SH3D19: variants seen among roughly 807,000 people sequenced by gnomAD.
SH3D19 encodes the protein SH3 domain-containing protein 19.
In SH3D19, 58 loss-of-function variants were observed where a neutral mutation model predicts 112.1. That is an observed-to-expected ratio of 0.52 (90% CI 0.42 to 0.64). SH3D19 has a LOEUF of 0.64. Among genes scored for constraint, SH3D19 ranks in the 30% least tolerant of loss-of-function variants. The pLI, the probability that SH3D19 is intolerant of heterozygous loss-of-function variation, is 0.00. For missense variants in SH3D19, 1,090 were observed against 1,263.4 expected (o/e 0.86, Z 2.08); for synonymous variants, 391 against 448.5 (o/e 0.87, Z 1.62).
chr4:151,175,953 C>A (rs1447372477), intron 6 of SH3D19, among the ~76,000 whole-genome samples: 1 of 152,032 alleles, frequency 6.6e-6, no homozygotes, highest in Non-Finnish European at 1.5e-5. Flanking sequence ...TCACTGCAGC[C>A]TCACCCTCCA....
intron 1 of SH3D19, among the ~76,000 whole-genome samples, chr4:151,312,072 G>C (rs1388068030): frequency 2.6e-5 from 4 of 152,036 alleles, no homozygotes; most frequent in Non-Finnish European, 5.9e-5. Context: ...GCTATGTGAG[G>C]TGATGGATCC....
At position 151,143,938 on chromosome 4, in the gene SH3D19, A is replaced by G; in HGVS notation, c.2195T>C (p.Leu732Pro). ...HLSQMKIITPLDEHLRSRPND... is the reference protein window; with the variant it reads ...HLSQMKIITPPDEHLRSRPND... Reference sequence around the variant, plus strand: ...TGGTCTGCTTCTAAGATGTTCATCAAGTGGAGTGATAATCTTCATTTGAGA... The same window carrying G: ...TGGTCTGCTTCTAAGATGTTCATCAGGTGGAGTGATAATCTTCATTTGAGA... The change falls in exon 12 of 20, where the codon CTT becomes CCT. Residue 732 changes from leucine to proline, a missense_variant. Coordinates refer to ENST00000604030, the MANE Select transcript of SH3D19 (RefSeq NM_001378122.1). The G allele has an allele frequency of 6.2e-7, 1 of 1,613,986 alleles. No individual in the cohort carries two copies. The highest frequency in any genetic ancestry group is 2.2e-5 in the East Asian group (1 of 44,882).
chr4:151,310,931 C>A (rs967623379), intron 1 of SH3D19, among the ~76,000 whole-genome samples: 46 of 150,998 alleles, frequency 3.0e-4, no homozygotes, highest in African/African-American at 1.1e-3. Flanking sequence ...GCATTATTCA[C>A]AATAGCCAAG....
At chr4:151,264,659 T>C (rs1772635847) in intron 1 of SH3D19, among the ~76,000 whole-genome samples, 1 of 152,098 alleles carries the variant, frequency 6.6e-6, no homozygotes, top group Non-Finnish European at 1.5e-5. Context: ...ATTTTATAGT[T>C]GTGTTCTCAG....
chr4:151,182,177 C>T (rs960210827), intron 3 of SH3D19, among the ~76,000 whole-genome samples: 1 of 151,892 alleles, frequency 6.6e-6, no homozygotes, highest in Non-Finnish European at 1.5e-5. Flanking sequence ...TTTGTAGAAA[C>T]GGGGTTTTGC....
intron 1 of SH3D19, among the ~76,000 whole-genome samples, chr4:151,308,338 G>C (rs531407658): frequency 5.9e-5 from 9 of 152,338 alleles, no homozygotes; most frequent in African/African-American, 2.2e-4. Context: ...TCACATTGCT[G>C]AAAGTCAGAG....
chr4:151,127,587 A>T, intron 19 of SH3D19, 31 bp downstream of exon 19: 1 of 1,299,532 alleles, frequency 7.7e-7, no homozygotes, highest in Non-Finnish European at 1.1e-6. Flanking sequence ...TATAGTGCTT[A>T]ATGCAGTTAT....
Position 151,168,163 on chromosome 4 carries a change from C to T in SH3D19, c.1535-2467G>A, listed in dbSNP as rs187635062. Among the ~76,000 whole-genome samples the T allele has an allele frequency of 3.5e-3, 525 of 151,354 alleles. 5 individuals carry two copies. Among genetic ancestry groups the T allele is most frequent in the African/African-American group, 0.012 (491 of 41,250 alleles). The stretch of plus-strand genomic sequence containing the variant: ...ATACATGTAACAGATAAGCAATTCA[C>T]GAGGTTTATTAGAAGGTGAGAAGTA... On this transcript the variant is annotated intron_variant, in intron 7 of 19. Transcript: ENST00000604030.
chr4:151,218,374 C>T (rs1767468156), intron 2 of SH3D19, among the ~76,000 whole-genome samples: 1 of 151,962 alleles, frequency 6.6e-6, no homozygotes, highest in South Asian at 2.1e-4. Flanking sequence ...AAAAAGGTCT[C>T]CTGATGCCAT....
Position 151,132,359 on chromosome 4 carries a change from T to C in SH3D19, c.2714A>G (p.Lys905Arg), listed in dbSNP as rs764493777. The change falls in exon 17 of 20, where the codon AAA becomes AGA. Residue 905 changes from lysine to arginine, a missense_variant. Lys to Arg is a conservative substitution (Grantham distance 26). Transcript: ENST00000604030. ...AGAGTTTGAGCCAGAATCTTCTTTT[T>C]TGGTTTTCAGTGGTACCTTTGTGCC... ...VLSTKVPLKT[K>R]KEDSGSNSQV... The C allele has an allele frequency of 1.9e-6, 3 of 1,613,900 alleles. No homozygotes were observed. Among genetic ancestry groups the C allele is most frequent in the African/African-American group, 2.7e-5 (2 of 74,922 alleles).
intron 19 of SH3D19, among the ~76,000 whole-genome samples, chr4:151,124,400 C>A (rs1748703670): frequency 6.6e-6 from 1 of 151,846 alleles, no homozygotes; most frequent in Non-Finnish European, 1.5e-5. Context: ...AGCCACTGCA[C>A]CCAGCCAGGC....
Position 151,176,665 on chromosome 4 carries a change from A to G in SH3D19, c.398T>C (p.Val133Ala), listed in dbSNP as rs1759998740. Residue 133 changes from valine to alanine, a missense_variant, in exon 6 of 20, where the codon GTT becomes GCT. Val to Ala is a moderately conservative substitution (Grantham distance 64). Coordinates refer to ENST00000604030, the MANE Select transcript of SH3D19 (RefSeq NM_001378122.1). Reference sequence around the variant, plus strand: ...TTGAACTTGGTTGATTTCTTTTATAACTTGTTCATAAGATGGTGGGAGCTG... The same window carrying G: ...TTGAACTTGGTTGATTTCTTTTATAGCTTGTTCATAAGATGGTGGGAGCTG... ...PAELPPSYEQ[V>A]IKEINQVQVN... 1.6e-6 allele frequency: 2 copies of G among 1,232,076 alleles called. No homozygotes were observed. Among genetic ancestry groups the G allele is most frequent in the African/African-American group, 3.1e-5 (2 of 64,554 alleles). 76.3% of individuals were successfully genotyped at this position (1,232,076 alleles called of 1,614,324 possible).
chr4:151,296,045 AAAGAAAG>A lies in SH3D19; in HGVS notation c.112+29189_112+29195del, dbSNP rs971828704. On this transcript the variant is annotated intron_variant, in intron 1 of 19. Coordinates refer to ENST00000604030, the MANE Select transcript of SH3D19 (RefSeq NM_001378122.1). ...GCAAGGCTCCGTCTCAAAAAAAAAA[AAAGAAAG>A]AAAGAAAGAAAGAAAGAAAATCGTT... 1.0e-4 allele frequency among the ~76,000 whole-genome samples: 15 copies of A among 143,220 alleles called. No homozygotes were observed. In the East Asian group the frequency reaches 2.0e-3, roughly 19 times the overall value. The allele number at this position is 143,220 out of a possible 152,430, so 94.0% of individuals were successfully genotyped here.
intron 1 of SH3D19, chr4:151,282,102 G>C: frequency 6.2e-7 from 1 of 1,602,988 alleles, no homozygotes; most frequent in African/African-American, 1.3e-5. Context: ...AGCCTGTTCT[G>C]ACCCAGCTGC....
intron 1 of SH3D19, among the ~76,000 whole-genome samples, chr4:151,232,176 T>G (rs1328094804): frequency 6.6e-6 from 1 of 152,160 alleles, no homozygotes; most frequent in Non-Finnish European, 1.5e-5. Context: ...GGAGGAAGAC[T>G]CTGTCTCAAA....
chr4:151,229,902 G>A (rs1769469084), intron 1 of SH3D19, among the ~76,000 whole-genome samples: 4 of 152,158 alleles, frequency 2.6e-5, no homozygotes, highest in Non-Finnish European at 4.4e-5. Context: ...GTGACGGAGT[G>A]AAACTCTGTC....
At chr4:151,264,402 T>C (rs923069535) in intron 1 of SH3D19, among the ~76,000 whole-genome samples, 16 of 117,546 alleles carry the variant, frequency 1.4e-4, no homozygotes, top group African/African-American at 5.3e-4. Flanking sequence ...CTCTCCAGCC[T>C]GGGCAACAGA....
In SH3D19 at chr4:151,148,775, C is replaced by T. The variant is rs11099785; in HGVS notation, c.1818-589G>A. On this transcript the variant is annotated intron_variant, in intron 10 of 19. Coordinates refer to ENST00000604030, the MANE Select transcript of SH3D19 (RefSeq NM_001378122.1). ...TAATTTTCGGCTGGGAGTGGTGGCT[C>T]ATGCCTGTAATCCCAGCACTTTGGG... is the stretch of plus-strand genomic sequence containing the variant. Among the ~76,000 whole-genome samples, 1,318 of 152,308 alleles carry T rather than the reference C, an allele frequency of 8.7e-3. 16 individuals are homozygous for T. Among genetic ancestry groups the T allele is most frequent in the African/African-American group, 0.03 (1,246 of 41,564 alleles).
chr4:151,213,052 A>G (rs1021794518), intron 2 of SH3D19, among the ~76,000 whole-genome samples: 36 of 152,344 alleles, frequency 2.4e-4, no homozygotes, highest in African/African-American at 8.4e-4. Context: ...GACCCTAAAG[A>G]TGTGACCACA....
Sources: gnomAD v4.1 joint callset for allele counts (sites outside exome capture counted in the v4.1 genomes callset) on GRCh38, gnomAD v4.1.1 for gene constraint, MANE v1.5 for transcripts, NCBI Gene and HGNC (gene_info 2026-07-23, HGNC 2026-07-21) for gene names.